The following PDE4B variants were observed in gnomAD, a reference collection of about 807,000 sequenced individuals.
PDE4B encodes phosphodiesterase 4B, also known as 3',5'-cyclic-AMP phosphodiesterase 4B.
A neutral mutation model predicts 82.2 loss-of-function variants in PDE4B; 20 were observed. That is an observed-to-expected ratio of 0.24 (90% confidence interval 0.17 to 0.35). The LOEUF (loss-of-function observed/expected upper bound fraction) is 0.35, where lower values mean the gene tolerates loss of function less well. Ranked by LOEUF, PDE4B falls within the 10% of genes least tolerant of loss-of-function variation. The pLI is 1.00. For missense variants in PDE4B, 655 were observed against 907.2 expected (o/e 0.72, Z 3.57); for synonymous variants, 320 against 318.9 (o/e 1.00, Z -0.04).
chr1:66,065,452 T>G lies in PDE4B; in HGVS notation c.281+146617T>G, dbSNP rs1013398387. ...TTGGGAAATAGCTTATGATCTAGAA[T>G]TGATAACCAAAGGCAAGCAAAACAA... On this transcript the variant is annotated intron_variant, in intron 3 of 16. Transcript: ENST00000341517. 2.0e-5 allele frequency among the ~76,000 whole-genome samples: 3 copies of G among 151,970 alleles called. No individual in the cohort carries two copies. The East Asian group carries it at 5.8e-4, about 29-fold the overall frequency.
At chr1:66,103,266 A>T (rs1645262613) in intron 3 of PDE4B, among the ~76,000 whole-genome samples, 1 of 134,386 alleles carries the variant, frequency 7.4e-6, no homozygotes, top group African/African-American at 2.6e-5. Flanking sequence ...ACATTGCTTC[A>T]TCCCTCTCTG....
intron 3 of PDE4B, among the ~76,000 whole-genome samples, chr1:66,076,429 A>T (rs1195826706): frequency 2.0e-5 from 3 of 152,124 alleles, no homozygotes; most frequent in African/African-American, 7.2e-5. Flanking sequence ...TCCAGAGTTG[A>T]TGGGCACCTG....
At chr1:66,274,018 A>G (rs1032510566) in intron 7 of PDE4B, among the ~76,000 whole-genome samples, 1 of 152,238 alleles carries the variant, frequency 6.6e-6, no homozygotes, top group East Asian at 1.9e-4. Context: ...TTATCATACT[A>G]TATTGTTCTC....
chr1:66,056,471 A>G (rs1356221633), intron 3 of PDE4B, among the ~76,000 whole-genome samples: 2 of 144,984 alleles, frequency 1.4e-5, no homozygotes, highest in Non-Finnish European at 3.0e-5. Flanking sequence ...TTTTATATCT[A>G]TCTATCTATC....
In PDE4B at chr1:66,332,592, G is replaced by A. The variant is rs755376067; in HGVS notation, c.719G>A (p.Arg240Gln). 3 of 1,613,996 alleles carry A rather than the reference G, an allele frequency of 1.9e-6. No homozygotes were observed. Among genetic ancestry groups the A allele is most frequent in the East Asian group, 2.2e-5 (1 of 44,890 alleles). Residue 240 changes from arginine (R) to glutamine (Q), a missense_variant, in exon 8 of 17, where the codon CGG becomes CAG. This residue lies in a region of PDE4B where 283 missense variants were observed against 516.4 expected (regional missense o/e 0.55). Coordinates refer to ENST00000341517, the MANE Select transcript of PDE4B (RefSeq NM_002600.4). The part of the protein sequence containing the change: ...LDQLETIQTY[R>Q]SVSEMASNKF... ...CAGCTAGAGACCATACAGACCTACC[G>A]GTCTGTCAGTGAGATGGCTTCTAAC...
In PDE4B at chr1:66,367,803, C is replaced by A. The variant is rs1557733839; in HGVS notation, c.1492C>A (p.Leu498Ile). 6.2e-7 allele frequency: 1 copy of A among 1,613,834 alleles called. No individual in the cohort carries two copies. The highest frequency in any genetic ancestry group is 2.2e-5 in the East Asian group (1 of 44,876). The change falls in exon 14 of 17, where the codon CTC (leucine) becomes ATC (isoleucine). Residue 498 changes from leucine to isoleucine, a missense_variant. Physicochemically the swap from Leu to Ile is conservative, Grantham distance 5 (BLOSUM62 2). Transcript: ENST00000341517. The stretch of plus-strand genomic sequence containing the variant: ...AGAACACTGTGACATCTTCATGAAT[C>A]TCACCAAGAAGCAGCGTCAGACACT... ...QEEHCDIFMNLTKKQRQTLRK... is the reference protein window; with the variant it reads ...QEEHCDIFMNITKKQRQTLRK...
chr1:66,195,468 T>C (rs898379947), intron 3 of PDE4B, among the ~76,000 whole-genome samples: 1 of 152,174 alleles, frequency 6.6e-6, no homozygotes, highest in African/African-American at 2.4e-5. Context: ...TAAAAAGCAG[T>C]GTTTATGAAT....
intron 3 of PDE4B, among the ~76,000 whole-genome samples, chr1:65,921,790 A>G (rs757014700): frequency 2.0e-5 from 3 of 152,208 alleles, no homozygotes; most frequent in East Asian, 3.9e-4. Flanking sequence ...CTAGGCTAGT[A>G]AAGATCTCTA....
intron 3 of PDE4B, among the ~76,000 whole-genome samples, chr1:65,970,911 C>T (rs1443094002): frequency 1.3e-5 from 2 of 151,580 alleles, no homozygotes; most frequent in African/African-American, 2.4e-5. Context: ...AAGGAAAACC[C>T]GGGTCTGGAC....
chr1:65,888,967 T>G (rs1451015029), intron 1 of PDE4B, among the ~76,000 whole-genome samples: 1 of 152,170 alleles, frequency 6.6e-6, no homozygotes, highest in Non-Finnish European at 1.5e-5. Context: ...GGACTTCCAA[T>G]ACTATGTTGA....
chr1:65,808,224 T>C (rs1327548723), intron 1 of PDE4B, among the ~76,000 whole-genome samples: 1 of 143,958 alleles, frequency 6.9e-6, no homozygotes, highest in African/African-American at 2.6e-5. Flanking sequence ...CAGGCTGGAG[T>C]GAAGTAGTAC....
chr1:65,888,712 A>G (rs1479731680), intron 1 of PDE4B, among the ~76,000 whole-genome samples: 1 of 152,008 alleles, frequency 6.6e-6, no homozygotes, highest in East Asian at 1.9e-4. Flanking sequence ...TTTAGCTGTT[A>G]CAACTTGTGT....
At chr1:65,879,296 A>G (rs1646684113) in intron 1 of PDE4B, among the ~76,000 whole-genome samples, 1 of 152,188 alleles carries the variant, frequency 6.6e-6, no homozygotes, top group African/African-American at 2.4e-5. Flanking sequence ...TAGCAGGTGC[A>G]GGTATGTGCT....
intron 3 of PDE4B, among the ~76,000 whole-genome samples, chr1:66,000,836 A>G (rs76367739): frequency 6.6e-5 from 10 of 152,302 alleles, no homozygotes; most frequent in African/African-American, 2.2e-4. Context: ...GTAGCTTCAA[A>G]GAGTGCTTCT....
chr1:66,164,603 G>T (rs1239537509), intron 3 of PDE4B, among the ~76,000 whole-genome samples: 1 of 147,186 alleles, frequency 6.8e-6, no homozygotes. Flanking sequence ...GAAAAGACCA[G>T]CGATCTCTAT....
chr1:65,952,448 A>AG (rs527299879), intron 3 of PDE4B, among the ~76,000 whole-genome samples: 1 of 152,100 alleles, frequency 6.6e-6, no homozygotes. Context: ...TGGGAGGCTG[A>AG]GGTGGGTGGA....
At position 66,373,053 on chromosome 1, in the gene PDE4B, T is replaced by G; in HGVS notation, c.*375T>G. On this transcript the variant is annotated 3_prime_UTR_variant, in exon 17 of 17. Coordinates refer to ENST00000341517, the MANE Select transcript of PDE4B (RefSeq NM_002600.4). ...AACTTCATTTATGAATCTTCTCACT[T>G]GTCCCTTTGTCTGCCAACCTGTGTG... The G allele has an allele frequency of 5.5e-6, 1 of 183,038 alleles. No individual in the cohort carries two copies. Among genetic ancestry groups the G allele is most frequent in the Non-Finnish European group, 1.2e-5 (1 of 85,542 alleles). 11.3% of individuals were successfully genotyped at this position (183,038 alleles called of 1,614,324 possible). A position where few individuals can be genotyped will look rare whatever the true frequency, so the allele number is the denominator to read the frequency against.
At chr1:65,914,260 G>A (rs924422222) in intron 2 of PDE4B, among the ~76,000 whole-genome samples, 14 of 152,154 alleles carry the variant, frequency 9.2e-5, no homozygotes, top group African/African-American at 3.4e-4. Flanking sequence ...CCGTAGCAAA[G>A]CCTTTGGCAA....
At chr1:65,957,016 T>G (rs567258483) in intron 3 of PDE4B, among the ~76,000 whole-genome samples, 1 of 152,256 alleles carries the variant, frequency 6.6e-6, no homozygotes, top group East Asian at 1.9e-4. Flanking sequence ...GATATTTATT[T>G]GCTCTTTATT....
Sources: gnomAD v4.1 joint callset for allele counts (sites outside exome capture counted in the v4.1 genomes callset) on GRCh38, gnomAD v4.1.1 for gene constraint, gnomAD v4.1.1 regional missense constraint, MANE v1.5 for transcripts, NCBI Gene and HGNC (gene_info 2026-07-23, HGNC 2026-07-21) for gene names.